IQSEC1: variants seen among roughly 807,000 people sequenced by gnomAD.
IQSEC1 encodes IQ motif and SEC7 domain-containing protein 1.
In IQSEC1, 31 loss-of-function variants were observed where a neutral mutation model predicts 91.0. That is an observed-to-expected ratio of 0.34 (90% confidence interval 0.26 to 0.46). The LOEUF (loss-of-function observed/expected upper bound fraction) is 0.46. IQSEC1 is among the 20% of genes least tolerant of loss of function. The pLI is 1.00. For synonymous variants in IQSEC1, 699 were observed against 662.6 expected (o/e 1.05, Z -0.84); for missense variants, 1,388 against 1,575.6 (o/e 0.88, Z 2.02).
chr3:13,164,503 GTGAA>G (rs746646832), intron 1 of IQSEC1, among the ~76,000 whole-genome samples: 1 of 152,140 alleles, frequency 6.6e-6, no homozygotes, highest in South Asian at 2.1e-4. Flanking sequence ...GAATGAATGA[GTGAA>G]TGAATGAATG....
At chr3:13,229,825 T>C (rs557286366) in intron 1 of IQSEC1, among the ~76,000 whole-genome samples, 75 of 152,310 alleles carry the variant, frequency 4.9e-4, no homozygotes, top group African/African-American at 1.7e-3. Context: ...GACACACCAC[T>C]TCCTAGCTGT....
At chr3:13,112,038 AC>A (rs2124866590) in intron 2 of IQSEC1, among the ~76,000 whole-genome samples, 1 of 152,170 alleles carries the variant, frequency 6.6e-6, no homozygotes, top group South Asian at 2.1e-4. Context: ...TGTTCCCTGC[AC>A]TTGCCCGCTT....
At chr3:13,093,894 C>T (rs1167184687) in intron 2 of IQSEC1, among the ~76,000 whole-genome samples, 1 of 152,178 alleles carries the variant, frequency 6.6e-6, no homozygotes, top group Non-Finnish European at 1.5e-5. Flanking sequence ...AGCATAAATC[C>T]CTCTGTTCTT....
chr3:12,942,779 T>C (rs546895168), intron 1 of IQSEC1, among the ~76,000 whole-genome samples: 1 of 152,340 alleles, frequency 6.6e-6, no homozygotes, highest in South Asian at 2.1e-4. Context: ...AGGGTCTTTG[T>C]GGACACTGGG....
chr3:13,269,331 G>A (rs150895283), intron 1 of IQSEC1, among the ~76,000 whole-genome samples: 3 of 152,332 alleles, frequency 2.0e-5, no homozygotes, highest in East Asian at 1.9e-4. Flanking sequence ...CATCCACATC[G>A]CACTGCAGGG....
At chr3:13,111,531 ACTC>A (rs1159428180) in intron 2 of IQSEC1, among the ~76,000 whole-genome samples, 1 of 152,030 alleles carries the variant, frequency 6.6e-6, no homozygotes, top group East Asian at 1.9e-4. Context: ...CCTGGGCTAA[ACTC>A]CTTCTAATTG....
chr3:13,066,479 G>A (rs932455593), intron 1 of IQSEC1, among the ~76,000 whole-genome samples: 4 of 152,258 alleles, frequency 2.6e-5, no homozygotes, highest in African/African-American at 9.6e-5. Flanking sequence ...CAGGAAAGAG[G>A]CACAGGCTGG....
At chr3:13,264,591 G>A (rs753600136) in intron 1 of IQSEC1, among the ~76,000 whole-genome samples, 1 of 151,958 alleles carries the variant, frequency 6.6e-6, no homozygotes, top group Non-Finnish European at 1.5e-5. Context: ...CTGGGGGACT[G>A]GCTTGGCATC....
chr3:13,165,709 G>A (rs1219478698), intron 1 of IQSEC1, among the ~76,000 whole-genome samples: 1 of 151,940 alleles, frequency 6.6e-6, no homozygotes, highest in Non-Finnish European at 1.5e-5. Context: ...CACCAACCAT[G>A]AGTGTGAGCC....
At position 12,958,259 on chromosome 3, in the gene IQSEC1, T is replaced by G. The variant is rs149361840; in HGVS notation, c.24-16394A>C. The stretch of plus-strand genomic sequence containing the variant: ...CCAGCACAGGGGCACAGAAAGGGTC[T>G]TGGGGACAAATGAAGGCTGGGGGTA... On this transcript the variant is annotated intron_variant, in intron 1 of 13. Coordinates refer to ENST00000613206, the MANE Select transcript of IQSEC1 (RefSeq NM_001134382.3). Among the ~76,000 whole-genome samples, 277 of 152,316 alleles carry G rather than the reference T, an allele frequency of 1.8e-3. 1 individual carries two copies. Among genetic ancestry groups the G allele is most frequent in the African/African-American group, 6.3e-3 (260 of 41,576 alleles).
intron 1 of IQSEC1, among the ~76,000 whole-genome samples, chr3:13,196,555 T>C (rs1475673308): frequency 6.6e-6 from 1 of 152,230 alleles, no homozygotes; most frequent in Non-Finnish European, 1.5e-5. Flanking sequence ...CACGTCTGGC[T>C]GTCACTCAGC....
intron 12 of IQSEC1, among the ~76,000 whole-genome samples, chr3:12,905,003 G>T (rs989419105): frequency 6.6e-6 from 1 of 152,210 alleles, no homozygotes; most frequent in African/African-American, 2.4e-5. Flanking sequence ...GTCAGCAAGA[G>T]ATGCAGGGTG....
intron 1 of IQSEC1, among the ~76,000 whole-genome samples, chr3:13,268,982 C>T (rs1228989093): frequency 6.6e-6 from 1 of 152,198 alleles, no homozygotes; most frequent in African/African-American, 2.4e-5. Context: ...GTGTCAGCAC[C>T]ATGAAACGTT....
Position 12,924,537 on chromosome 3 carries a change from C to T in IQSEC1, c.1730+44G>A, listed in dbSNP as rs776799778. On this transcript the variant is annotated intron_variant, in intron 4 of 13. Coordinates refer to ENST00000613206, the MANE Select transcript of IQSEC1 (RefSeq NM_001134382.3). The surrounding 1 kb of genome is among the most constrained non-coding windows in gnomAD (Gnocchi z 6.3). ...ACGGGTAACACAGGGTGCGTGAGGG[C>T]GTGTGTGGAATCAGGTCCCCCACCA... The T allele has an allele frequency of 4.6e-6, 7 of 1,537,746 alleles. No individual in the cohort carries two copies. Among genetic ancestry groups the T allele is most frequent in the East Asian group, 4.7e-5 (2 of 42,108 alleles).
rs1042254373 is a variant in IQSEC1 at position 12,919,918 on chromosome 3, C to A, written c.2020+512G>T. 2.0e-5 allele frequency among the ~76,000 whole-genome samples: 3 copies of A among 152,236 alleles called. No homozygotes were observed. The East Asian group carries it at 5.8e-4, about 29-fold the overall frequency. ...CACCTCCCAGCACATGCCCACCTCC[C>A]TGAGGGCAGGGAGCCGGGTCTGCAC... On this transcript the variant is annotated intron_variant, in intron 6 of 13. Transcript: ENST00000613206.
chr3:12,908,512 C>T lies in IQSEC1; in HGVS notation c.2592G>A (p.Lys864=). 2 of 1,613,624 alleles carry T rather than the reference C, an allele frequency of 1.2e-6. No homozygotes were observed. The highest frequency in any genetic ancestry group is 2.2e-5 in the East Asian group (1 of 44,878). Reference sequence around the variant, plus strand: ...TGCTGGGCCGCACGACGCCTTTCTGCTTCTCGAGCTCCGCTGGAACAGAGA... The same window carrying T: ...TGCTGGGCCGCACGACGCCTTTCTGTTTCTCGAGCTCCGCTGGAACAGAGA... The part of the protein sequence containing the change: ...EKHRIESELE[K]QKGVVRPSMS... Residue 864 remains lysine, a synonymous_variant, in exon 12 of 14, where the codon AAG becomes AAA. Transcript: ENST00000613206. This position sits in a 1 kb window ranked among gnomAD's most constrained non-coding sequence, Gnocchi z 4.9.
At chr3:12,939,906 C>A (rs1698593951) in intron 2 of IQSEC1, among the ~76,000 whole-genome samples, 1 of 152,202 alleles carries the variant, frequency 6.6e-6, no homozygotes, top group Non-Finnish European at 1.5e-5. Flanking sequence ...AGCTCCTGTG[C>A]CACAGTGGAG....
chr3:12,918,531 C>A (rs547174639), intron 6 of IQSEC1, among the ~76,000 whole-genome samples: 1 of 152,156 alleles, frequency 6.6e-6, no homozygotes, highest in Admixed American at 6.5e-5. Flanking sequence ...AAAAAAAAAA[C>A]CTGGCCAGGC....
chr3:13,119,042 T>G (rs989600017), intron 2 of IQSEC1, among the ~76,000 whole-genome samples: 3 of 151,534 alleles, frequency 2.0e-5, no homozygotes, highest in Non-Finnish European at 4.4e-5. Context: ...GCCACTGCAC[T>G]CCAGCCTGGC....
Sources: gnomAD v4.1 joint callset for allele counts (sites outside exome capture counted in the v4.1 genomes callset) on GRCh38, gnomAD v4.1.1 for gene constraint, Gnocchi (gnomAD v3.1) non-coding constraint, MANE v1.5 for transcripts, NCBI Gene and HGNC (gene_info 2026-07-23, HGNC 2026-07-21) for gene names.